The following DOCK8 variants were observed in gnomAD, a reference collection of about 807,000 sequenced individuals.
The protein encoded by DOCK8 is dedicator of cytokinesis protein 8.
In DOCK8, 141 loss-of-function variants were observed where a neutral mutation model predicts 245.6. The ratio of observed to expected loss-of-function variants is 0.57; its 90% CI spans 0.50 to 0.66. The LOEUF is 0.66. Among genes scored for constraint, DOCK8 ranks in the 30% least tolerant of loss-of-function variants. The pLI is 0.00. For missense variants in DOCK8, 2,965 were observed against 2,603.4 expected (o/e 1.14, Z -3.02); for synonymous variants, 1,168 against 970.2 (o/e 1.20, Z -3.79).
intron 2 of DOCK8, among the ~76,000 whole-genome samples, chr9:274,414 G>C (rs1195052167): frequency 6.7e-6 from 1 of 150,062 alleles, no homozygotes; most frequent in Non-Finnish European, 1.5e-5. Flanking sequence ...TATGGCTCTT[G>C]TTCCTTCTAC....
At chr9:319,394 A>C (rs542376899) in intron 7 of DOCK8, among the ~76,000 whole-genome samples, 1 of 152,374 alleles carries the variant, frequency 6.6e-6, no homozygotes, top group South Asian at 2.1e-4. Context: ...GAATTGACAT[A>C]TTTGCCAGGT....
intron 8 of DOCK8, among the ~76,000 whole-genome samples, chr9:326,627 C>A (rs1399174519): frequency 6.6e-6 from 1 of 152,202 alleles, no homozygotes; most frequent in African/African-American, 2.4e-5. Context: ...AAGTTGCTGT[C>A]TTTGTTTCTT....
At chr9:305,559 A>T (rs894409619) in intron 5 of DOCK8, among the ~76,000 whole-genome samples, 2 of 152,206 alleles carry the variant, frequency 1.3e-5, no homozygotes, top group Non-Finnish European at 2.9e-5. Flanking sequence ...TGCTGGGATT[A>T]CAGGCATGAG....
At chr9:336,939 A>G (rs1407431203) in intron 12 of DOCK8, among the ~76,000 whole-genome samples, 1 of 152,138 alleles carries the variant, frequency 6.6e-6, no homozygotes, top group Non-Finnish European at 1.5e-5. Flanking sequence ...TCCAAAGTTG[A>G]GGGCCCACCC....
At chr9:216,197 A>G (rs942616351) in intron 1 of DOCK8, among the ~76,000 whole-genome samples, 6 of 152,218 alleles carry the variant, frequency 3.9e-5, no homozygotes, top group Admixed American at 3.9e-4. Context: ...ATTTATGTAT[A>G]TTGCATATTA....
intron 18 of DOCK8, among the ~76,000 whole-genome samples, chr9:373,990 T>C (rs557376768): frequency 6.6e-6 from 1 of 152,350 alleles, no homozygotes; most frequent in African/African-American, 2.4e-5. Flanking sequence ...AAAGTCTAGA[T>C]TCTGCCACTC....
At chr9:298,928 C>G (rs1467226383) in intron 4 of DOCK8, among the ~76,000 whole-genome samples, 1 of 148,666 alleles carries the variant, frequency 6.7e-6, no homozygotes, top group African/African-American at 2.5e-5. Context: ...AGGGCAAATA[C>G]TAATGTGGGA....
chr9:308,782 C>T (rs865962581), intron 5 of DOCK8, among the ~76,000 whole-genome samples: 2 of 152,106 alleles, frequency 1.3e-5, no homozygotes, highest in South Asian at 2.1e-4. Context: ...CTTAGCCTCC[C>T]GAGTAGCTGG....
intron 46 of DOCK8, among the ~76,000 whole-genome samples, chr9:461,696 C>T (rs2057811625): frequency 1.3e-5 from 2 of 151,814 alleles, no homozygotes; most frequent in African/African-American, 4.8e-5. Context: ...CACCTGCCAC[C>T]ATACCCAGCT....
At chr9:399,423 T>A (rs868360931) in intron 26 of DOCK8, among the ~76,000 whole-genome samples, 164 bp downstream of exon 26, 3 of 152,138 alleles carry the variant, frequency 2.0e-5, no homozygotes, top group African/African-American at 7.2e-5. Flanking sequence ...GCCATGGACA[T>A]TCCTCAGACA....
intron 11 of DOCK8, among the ~76,000 whole-genome samples, chr9:335,542 T>C (rs959793113): frequency 6.6e-6 from 1 of 152,144 alleles, no homozygotes; most frequent in African/African-American, 2.4e-5. Flanking sequence ...TTCTGGTTCG[T>C]CAATAACAAA....
intron 14 of DOCK8, among the ~76,000 whole-genome samples, chr9:346,100 C>A (rs1002729474): frequency 2.6e-5 from 4 of 151,740 alleles, no homozygotes; most frequent in Non-Finnish European, 4.4e-5. Flanking sequence ...CAGAGCCAGG[C>A]AGGACACTCT....
intron 8 of DOCK8, among the ~76,000 whole-genome samples, chr9:326,297 C>G (rs925734989): frequency 1.3e-5 from 2 of 152,186 alleles, no homozygotes; most frequent in African/African-American, 4.8e-5. Context: ...CCCTTCTTTA[C>G]CCATAATCAT....
chr9:296,151 G>C lies in DOCK8; in HGVS notation c.404+6570G>C, dbSNP rs557346875. ...TAGTACTTTTCTCCCCATGACTTTT[G>C]AAAATGATTACTGGTTTACTGATTA... On this transcript the variant is annotated intron_variant, in intron 4 of 47. Transcript: ENST00000432829. 8.5e-5 allele frequency among the ~76,000 whole-genome samples: 13 copies of C among 152,204 alleles called. No homozygotes were observed. In the South Asian group the frequency reaches 2.7e-3, roughly 32 times the overall value.
At chr9:224,752 G>C (rs970243980) in intron 1 of DOCK8, among the ~76,000 whole-genome samples, 3 of 152,144 alleles carry the variant, frequency 2.0e-5, no homozygotes, top group African/African-American at 7.2e-5. Flanking sequence ...ACAAACTGGA[G>C]CTCCCTAAGG....
Position 383,700 on chromosome 9 carries a change from CAAA to C in DOCK8, c.2778+1038_2778+1040del, listed in dbSNP as rs1164310899. Among the ~76,000 whole-genome samples the C allele has an allele frequency of 2.3e-3, 161 of 69,916 alleles. 1 individual carries two copies. Among genetic ancestry groups the C allele is most frequent in the African/African-American group, 8.1e-3 (155 of 19,224 alleles). The allele number at this position is 69,916 out of a possible 152,430, so 45.9% of individuals were successfully genotyped here. A position where few individuals can be genotyped will look rare whatever the true frequency, so the allele number is the denominator to read the frequency against. On this transcript the variant is annotated intron_variant, in intron 22 of 47. Coordinates refer to ENST00000432829, the MANE Select transcript of DOCK8 (RefSeq NM_203447.4). ...GAGCTACAAGAGTGAGACTCCGTCT[CAAA>C]AAAAAAAAAAAAAAAAAAAAAATCC...
At chr9:426,177 A>T (rs949910717) in intron 33 of DOCK8, among the ~76,000 whole-genome samples, 1 of 152,152 alleles carries the variant, frequency 6.6e-6, no homozygotes, top group Non-Finnish European at 1.5e-5. Flanking sequence ...AGCAAAAAAA[A>T]CCATTCTGAT....
At chr9:445,674 G>A (rs7855358) in intron 43 of DOCK8, among the ~76,000 whole-genome samples, 116,266 of 151,988 alleles carry the variant, frequency 0.76, 45,286 homozygotes, top group East Asian at 0.99. Flanking sequence ...GTAGTATTCT[G>A]TTGTGTGACT....
intron 10 of DOCK8, among the ~76,000 whole-genome samples, chr9:333,383 T>C (rs551395193): frequency 1.0e-3 from 154 of 152,246 alleles, no homozygotes; most frequent in East Asian, 2.5e-3. Context: ...GGGCAGATCA[T>C]GAGGTCAGAA....
Sources: gnomAD v4.1 joint callset for allele counts (sites outside exome capture counted in the v4.1 genomes callset) on GRCh38, gnomAD v4.1.1 for gene constraint, MANE v1.5 for transcripts, NCBI Gene and HGNC (gene_info 2026-07-23, HGNC 2026-07-21) for gene names.